Variants in AKR1B1 observed in about 807,000 individuals in gnomAD.
AKR1B1 encodes the protein aldo-keto reductase family 1 member B, also known as aldo-keto reductase family 1 member B1.
A neutral mutation model predicts 40.4 loss-of-function variants in AKR1B1; 22 were observed. The observed-to-expected ratio is 0.54, with a 90% CI of 0.39 to 0.78. AKR1B1 has a LOEUF of 0.78. Among genes scored for constraint, AKR1B1 ranks in the 30% least tolerant of loss-of-function variants. AKR1B1 has a pLI of 0.00. For missense variants in AKR1B1, 357 were observed against 396.7 expected (o/e 0.90, Z 0.85); for synonymous variants, 157 against 149.9 (o/e 1.05, Z -0.35).
chr7:134,442,607 G>A lies in AKR1B1; in HGVS notation c.*121C>T. On this transcript the variant is annotated 3_prime_UTR_variant, in exon 10 of 10. Transcript: ENST00000285930. ...CATCAAGCTAGACACGCCCTCGCTG[G>A]CCACTCTACAGGTTGCTGTCCCACT... 1 of 895,814 alleles carries A rather than the reference G, an allele frequency of 1.1e-6. No individual in the cohort carries two copies. The highest frequency in any genetic ancestry group is 2.6e-5 in the East Asian group (1 of 38,460). 55.5% of individuals were successfully genotyped at this position (895,814 alleles called of 1,614,324 possible).
chr7:134,455,890 G>A (rs1020889165), intron 1 of AKR1B1, among the ~76,000 whole-genome samples: 3 of 152,162 alleles, frequency 2.0e-5, no homozygotes, highest in Admixed American at 1.3e-4. Flanking sequence ...AATGTAGAAG[G>A]CAAGACTGCC....
At chr7:134,445,993 C>A (rs566928579) in intron 8 of AKR1B1, among the ~76,000 whole-genome samples, 1 of 152,174 alleles carries the variant, frequency 6.6e-6, no homozygotes, top group Non-Finnish European at 1.5e-5. Flanking sequence ...CTCCCAGAGC[C>A]GAAGGGCTCT....
At chr7:134,450,646 C>A in intron 3 of AKR1B1, 140 bp downstream of exon 3, 1 of 759,830 alleles carries the variant, frequency 1.3e-6, no homozygotes, top group East Asian at 2.5e-5. Context: ...CAGGTGATGC[C>A]AGTGCTGATG....
chr7:134,445,929 G>C (rs1447950625), intron 8 of AKR1B1, among the ~76,000 whole-genome samples: 1 of 152,248 alleles, frequency 6.6e-6, no homozygotes, highest in African/African-American at 2.4e-5. Context: ...GAGGCTGGGA[G>C]GGAGGGAGGC....
intron 1 of AKR1B1, among the ~76,000 whole-genome samples, chr7:134,458,211 C>T (rs1187045351): frequency 6.6e-6 from 1 of 151,198 alleles, no homozygotes; most frequent in Non-Finnish European, 1.5e-5. Flanking sequence ...TGTTTCATGT[C>T]CTATTGTCAT....
chr7:134,447,275 G>C, intron 8 of AKR1B1, 23 bp downstream of exon 8: 1 of 1,609,432 alleles, frequency 6.2e-7, no homozygotes. Flanking sequence ...AGGAGGGCCA[G>C]GCCTGACCAG....
At chr7:134,446,300 A>C (rs919736850) in intron 8 of AKR1B1, among the ~76,000 whole-genome samples, 7 of 152,212 alleles carry the variant, frequency 4.6e-5, no homozygotes, top group Non-Finnish European at 5.9e-5. Flanking sequence ...CTCCTCTCCT[A>C]AACAATGAGC....
chr7:134,451,996 T>C (rs1806303925), intron 1 of AKR1B1, among the ~76,000 whole-genome samples: 1 of 152,240 alleles, frequency 6.6e-6, no homozygotes, highest in Admixed American at 6.5e-5. Flanking sequence ...GTGAGATCAC[T>C]TTTAAAAGAT....
intron 7 of AKR1B1, 31 bp from the exon 8 acceptor site, chr7:134,447,412 T>C (rs374998313): frequency 9.4e-6 from 15 of 1,589,202 alleles, no homozygotes; most frequent in Non-Finnish European, 6.9e-6. Flanking sequence ...TGAGTGTGTA[T>C]ACATGCCAGG....
intron 3 of AKR1B1, among the ~76,000 whole-genome samples, chr7:134,450,051 G>A (rs1806237274): frequency 1.3e-5 from 2 of 152,336 alleles, no homozygotes; most frequent in East Asian, 1.9e-4. Flanking sequence ...TGCAATGTGT[G>A]GATACAGGAA....
chr7:134,450,014 G>A (rs1032736313), intron 3 of AKR1B1, among the ~76,000 whole-genome samples: 1 of 152,286 alleles, frequency 6.6e-6, no homozygotes, highest in African/African-American at 2.4e-5. Flanking sequence ...ACACTACTTG[G>A]TCACAGAGAC....
chr7:134,447,606 G>A (rs1171681125), intron 7 of AKR1B1: 2 of 642,148 alleles, frequency 3.1e-6, no homozygotes, highest in African/African-American at 1.8e-5. Context: ...ACGCTTCAGT[G>A]TCTCAGGCAT....
chr7:134,447,177 C>T, intron 8 of AKR1B1, 121 bp downstream of exon 8: 1 of 935,698 alleles, frequency 1.1e-6, no homozygotes, highest in Non-Finnish European at 1.7e-6. Context: ...GCCACAGCTC[C>T]CTGGCCTCAG....
In AKR1B1 at chr7:134,445,137, G is replaced by A; in HGVS notation, c.908+101C>T. 3 of 1,039,486 alleles carry A rather than the reference G, an allele frequency of 2.9e-6. 1 individual carries two copies. In the South Asian group the frequency reaches 4.0e-5, roughly 14 times the overall value. 64.4% of individuals were successfully genotyped at this position (1,039,486 alleles called of 1,614,324 possible). A position where few individuals can be genotyped will look rare whatever the true frequency, so the allele number is the denominator to read the frequency against. ...TAATGTGCAAAGCAAGAACAGCTGT[G>A]ACGAGAGCACATTGGCGCTGAGGCC... On this transcript the variant is annotated intron_variant, in intron 9 of 9. Transcript: ENST00000285930.
chr7:134,451,381 G>A (rs1034104968), intron 2 of AKR1B1: 5 of 666,286 alleles, frequency 7.5e-6, no homozygotes, highest in Non-Finnish European at 1.3e-5. Flanking sequence ...TCTAAGCAAT[G>A]GGCCCAGATG....
intron 1 of AKR1B1, among the ~76,000 whole-genome samples, chr7:134,456,841 TTATGA>T (rs1806486172): frequency 6.6e-6 from 1 of 152,250 alleles, no homozygotes; most frequent in Non-Finnish European, 1.5e-5. Context: ...TGTACAGATG[TTATGA>T]TGTGATGTTA....
At chr7:134,443,844 G>A (rs1395782524) in intron 9 of AKR1B1, among the ~76,000 whole-genome samples, 1 of 152,068 alleles carries the variant, frequency 6.6e-6, no homozygotes, top group Non-Finnish European at 1.5e-5. Context: ...GCTCAGTAAA[G>A]CATTATCTGC....
At chr7:134,450,332 T>C (rs1806244763) in intron 3 of AKR1B1, among the ~76,000 whole-genome samples, 1 of 152,122 alleles carries the variant, frequency 6.6e-6, no homozygotes, top group Non-Finnish European at 1.5e-5. Flanking sequence ...TGCCAACAAC[T>C]AGACTGCAAA....
intron 1 of AKR1B1, among the ~76,000 whole-genome samples, chr7:134,452,822 G>A (rs1413832424): frequency 6.6e-6 from 1 of 152,154 alleles, no homozygotes; most frequent in Non-Finnish European, 1.5e-5. Context: ...GGGAAGAAAG[G>A]GGCCCAGTTG....
Sources: gnomAD v4.1 joint callset for allele counts (sites outside exome capture counted in the v4.1 genomes callset) on GRCh38, gnomAD v4.1.1 for gene constraint, MANE v1.5 for transcripts, NCBI Gene and HGNC (gene_info 2026-07-23, HGNC 2026-07-21) for gene names.